The following CNTNAP2 variants were observed in gnomAD, a reference collection of about 807,000 sequenced individuals.
CNTNAP2 encodes the protein contactin-associated protein-like 2.
Under a neutral mutation model 155.2 loss-of-function variants are expected in CNTNAP2, and 98 were observed. The observed-to-expected ratio is 0.63, with a 90% CI of 0.54 to 0.75. The LOEUF is 0.75. CNTNAP2 is among the 30% of genes least tolerant of loss of function. The pLI is 0.00. For synonymous variants in CNTNAP2, 651 were observed against 631.2 expected (o/e 1.03, Z -0.47); for missense variants, 1,727 against 1,688.1 (o/e 1.02, Z -0.40).
chr7:147,622,127 G>T (rs959806111), intron 12 of CNTNAP2, among the ~76,000 whole-genome samples: 2 of 151,834 alleles, frequency 1.3e-5, no homozygotes, highest in Non-Finnish European at 2.9e-5. Flanking sequence ...GGAGTACCGC[G>T]ATATATAAAG....
intron 13 of CNTNAP2, among the ~76,000 whole-genome samples, chr7:147,756,356 A>AGG (rs3053518): frequency 0.41 from 62,821 of 151,948 alleles, 15,528 homozygotes; most frequent in African/African-American, 0.69. Context: ...CAAGTCTTGT[A>AGG]GTTACTCTTT....
rs190610044 is a variant in CNTNAP2, at chr7:146,959,892, G to A, written c.403-84015G>A. On this transcript the variant is annotated intron_variant, in intron 3 of 23. Transcript: ENST00000361727. ...GCTGAGGTTAAAGTCAGTAATTATTGGAGAGACCTAGGGATTCCAACTTTA... is the reference window on the plus strand; with the variant it reads ...GCTGAGGTTAAAGTCAGTAATTATTAGAGAGACCTAGGGATTCCAACTTTA... Among the ~76,000 whole-genome samples the A allele has an allele frequency of 1.6e-3, 238 of 152,198 alleles. 2 individuals carry two copies. The highest frequency in any genetic ancestry group is 3.0e-3 in the Admixed American group (46 of 15,278).
At chr7:147,151,408 G>T (rs1395264796) in intron 8 of CNTNAP2, among the ~76,000 whole-genome samples, 1 of 152,060 alleles carries the variant, frequency 6.6e-6, no homozygotes, top group Non-Finnish European at 1.5e-5. Context: ...CAAAATGATA[G>T]TAAAGTCACA....
chr7:146,559,634 A>T lies in CNTNAP2; in HGVS notation c.98-214637A>T, dbSNP rs146565497. Among the ~76,000 whole-genome samples, 701 of 152,296 alleles carry T rather than the reference A, an allele frequency of 4.6e-3. 5 individuals are homozygous for T. Among genetic ancestry groups the T allele is most frequent in the African/African-American group, 0.016 (654 of 41,564 alleles). Reference sequence around the variant, plus strand: ...AAATCGAATTATTTTATTTCCTATGAATAAGGCATTTATAAATTATTGTGG... The same window carrying T: ...AAATCGAATTATTTTATTTCCTATGTATAAGGCATTTATAAATTATTGTGG... On this transcript the variant is annotated intron_variant, in intron 1 of 23. Coordinates refer to ENST00000361727, the MANE Select transcript of CNTNAP2 (RefSeq NM_014141.6).
intron 10 of CNTNAP2, among the ~76,000 whole-genome samples, chr7:147,462,226 C>A (rs1798037523): frequency 6.6e-6 from 1 of 152,150 alleles, no homozygotes; most frequent in Non-Finnish European, 1.5e-5. Context: ...ACCCTGTATG[C>A]CCCACAGTAT....
At chr7:147,836,414 T>A (rs949991537) in intron 13 of CNTNAP2, among the ~76,000 whole-genome samples, 2 of 152,008 alleles carry the variant, frequency 1.3e-5, no homozygotes, top group African/African-American at 4.8e-5. Context: ...CCTTCTCACC[T>A]CAGGCTTCTA....
At chr7:146,485,347 G>A (rs916182524) in intron 1 of CNTNAP2, among the ~76,000 whole-genome samples, 2 of 152,190 alleles carry the variant, frequency 1.3e-5, no homozygotes, top group Admixed American at 1.3e-4. Context: ...GCTATGTCCT[G>A]TGTACTTATT....
intron 10 of CNTNAP2, among the ~76,000 whole-genome samples, chr7:147,402,938 T>C (rs1796941679): frequency 6.9e-6 from 1 of 144,540 alleles, no homozygotes; most frequent in Non-Finnish European, 1.5e-5. Context: ...GCCAAAGACA[T>C]TCCAAATAAT....
At position 147,844,999 on chromosome 7, in the gene CNTNAP2, G is replaced by T. The variant is rs1165363043; in HGVS notation, c.2099-58566G>T. The stretch of plus-strand genomic sequence containing the variant: ...ATGTGCTGCTGGATTCGGTTTGCCA[G>T]TATTTTATTGAGGATTTTTGCATCA... On this transcript the variant is annotated intron_variant, in intron 13 of 23. Coordinates refer to ENST00000361727, the MANE Select transcript of CNTNAP2 (RefSeq NM_014141.6). Among the ~76,000 whole-genome samples the T allele has an allele frequency of 1.6e-4, 22 of 137,156 alleles. 1 individual carries two copies. Among genetic ancestry groups the T allele is most frequent in the African/African-American group, 5.9e-4 (22 of 37,586 alleles). 90.0% of individuals were successfully genotyped at this position (137,156 alleles called of 152,430 possible).
rs191654660 is a variant in CNTNAP2 at position 147,680,243 on chromosome 7, C to T, written c.2098+40937C>T. On this transcript the variant is annotated intron_variant, in intron 13 of 23. Coordinates refer to ENST00000361727, the MANE Select transcript of CNTNAP2 (RefSeq NM_014141.6). Reference sequence around the variant, plus strand: ...GAGAAAACTTTCCCATCATCAAGTTCCTGGACACTATGGTACTGCACTTGT... The same window carrying T: ...GAGAAAACTTTCCCATCATCAAGTTTCTGGACACTATGGTACTGCACTTGT... Among the ~76,000 whole-genome samples, 223 of 151,942 alleles carry T rather than the reference C, an allele frequency of 1.5e-3. 4 individuals are homozygous for T. The highest frequency in any genetic ancestry group is 6.8e-3 in the Middle Eastern group (2 of 294).
intron 8 of CNTNAP2, among the ~76,000 whole-genome samples, chr7:147,198,791 A>T (rs1802861256): frequency 6.6e-6 from 1 of 152,100 alleles, no homozygotes; most frequent in Non-Finnish European, 1.5e-5. Context: ...GACTACTATA[A>T]ATTCATTGAA....
chr7:146,850,633 C>T (rs755782966), intron 3 of CNTNAP2, among the ~76,000 whole-genome samples: 2 of 151,936 alleles, frequency 1.3e-5, no homozygotes, highest in Non-Finnish European at 2.9e-5. Context: ...CTGGGGTACA[C>T]GGTGGGACTG....
intron 3 of CNTNAP2, among the ~76,000 whole-genome samples, chr7:146,863,793 C>T (rs1795150039): frequency 6.6e-6 from 1 of 151,974 alleles, no homozygotes. Flanking sequence ...CTAGCATGTC[C>T]TTGAAATGGA....
intron 21 of CNTNAP2, among the ~76,000 whole-genome samples, chr7:148,279,949 G>C (rs1796942807): frequency 6.6e-6 from 1 of 152,168 alleles, no homozygotes; most frequent in South Asian, 2.1e-4. Flanking sequence ...GGACAGATTA[G>C]TGAGTGCCAA....
At chr7:148,040,516 G>A (rs1030991196) in intron 15 of CNTNAP2, among the ~76,000 whole-genome samples, 11 of 152,122 alleles carry the variant, frequency 7.2e-5, no homozygotes, top group Non-Finnish European at 1.0e-4. Flanking sequence ...GAAATGACAT[G>A]AACAATATTC....
chr7:146,719,854 G>A (rs1801254966), intron 1 of CNTNAP2, among the ~76,000 whole-genome samples: 1 of 152,000 alleles, frequency 6.6e-6, no homozygotes, highest in African/African-American at 2.4e-5. Flanking sequence ...TCCGATAAAT[G>A]TCCAAAACTA....
chr7:147,061,533 T>G (rs757778825), intron 4 of CNTNAP2, among the ~76,000 whole-genome samples: 1 of 136,278 alleles, frequency 7.3e-6, no homozygotes, highest in African/African-American at 3.5e-5. Context: ...TGTCATTGTG[T>G]GCACACACTT....
intron 9 of CNTNAP2, among the ~76,000 whole-genome samples, chr7:147,313,872 A>G (rs1795174630): frequency 6.6e-6 from 1 of 151,004 alleles, no homozygotes; most frequent in African/African-American, 2.4e-5. Context: ...CATTTTCACG[A>G]TATTGATTCT....
At chr7:148,201,670 C>A (rs2116731913) in intron 18 of CNTNAP2, among the ~76,000 whole-genome samples, 1 of 152,226 alleles carries the variant, frequency 6.6e-6, no homozygotes, top group Non-Finnish European at 1.5e-5. Context: ...GTGCCCCGTC[C>A]TTTGGGTCTC....
Sources: gnomAD v4.1 joint callset for allele counts (sites outside exome capture counted in the v4.1 genomes callset) on GRCh38, gnomAD v4.1.1 for gene constraint, MANE v1.5 for transcripts, NCBI Gene and HGNC (gene_info 2026-07-23, HGNC 2026-07-21) for gene names.